The following SEMA3A variants were observed in gnomAD, a reference collection of about 807,000 sequenced individuals.
The protein encoded by SEMA3A is semaphorin-3A.
SEMA3A carries 29 observed loss-of-function variants against 97.9 expected under a neutral mutation model. The observed-to-expected ratio is 0.30, with a 90% confidence interval of 0.22 to 0.40. The LOEUF (loss-of-function observed/expected upper bound fraction) is 0.40, where lower values mean the gene tolerates loss of function less well. SEMA3A is among the 10% of genes least tolerant of loss of function. SEMA3A has a pLI of 1.00. For synonymous variants in SEMA3A, 321 were observed against 323.7 expected (o/e 0.99, Z 0.09); for missense variants, 763 against 951.3 (o/e 0.80, Z 2.60).
chr7:84,457,441 G>T (rs538801696), intron 1 of SEMA3A, among the ~76,000 whole-genome samples: 1 of 151,722 alleles, frequency 6.6e-6, no homozygotes, highest in Non-Finnish European at 1.5e-5. Context: ...AGGATGATTT[G>T]CCTTTTACAT....
intron 1 of SEMA3A, among the ~76,000 whole-genome samples, chr7:84,176,766 G>C (rs2116223187): frequency 6.6e-6 from 1 of 152,244 alleles, no homozygotes. Flanking sequence ...TGGAAGCAAT[G>C]ACTTTGACAA....
intron 3 of SEMA3A, among the ~76,000 whole-genome samples, chr7:84,285,314 T>C (rs1285640605): frequency 6.6e-6 from 1 of 152,052 alleles, no homozygotes; most frequent in Non-Finnish European, 1.5e-5. Context: ...GACTTTATGC[T>C]CCACCAAAGG....
upstream of SEMA3A, among the ~76,000 whole-genome samples, chr7:84,196,507 G>C (rs1344546724): frequency 6.6e-6 from 1 of 152,166 alleles, no homozygotes; most frequent in Non-Finnish European, 1.5e-5. Context: ...TACTTCACTA[G>C]ATTGACTCAT....
intron 1 of SEMA3A, among the ~76,000 whole-genome samples, chr7:84,170,300 T>G (rs2066988520): frequency 6.6e-6 from 1 of 152,036 alleles, no homozygotes; most frequent in Admixed American, 6.5e-5. Context: ...TAAAAGTTAC[T>G]TTTGTAATAC....
At chr7:84,110,161 A>C (rs544413695) in intron 4 of SEMA3A, among the ~76,000 whole-genome samples, 2 of 152,280 alleles carry the variant, frequency 1.3e-5, no homozygotes, top group Non-Finnish European at 2.9e-5. Flanking sequence ...GGCAATATAC[A>C]AATGAAGGAG....
At chr7:84,266,313 C>CAAAAA (rs57809084) in intron 3 of SEMA3A, among the ~76,000 whole-genome samples, 75 of 70,396 alleles carry the variant, frequency 1.1e-3, no homozygotes, top group East Asian at 2.2e-3. Context: ...GATTTGGTCT[C>CAAAAA]AAAAAAAAAA....
chr7:84,133,420 CT>C (rs1487725298), intron 2 of SEMA3A, among the ~76,000 whole-genome samples: 1 of 152,088 alleles, frequency 6.6e-6, no homozygotes, highest in Non-Finnish European at 1.5e-5. Context: ...AAAAGCAACC[CT>C]CTCCAACCAG....
At chr7:84,143,483 C>T (rs1422099616) in intron 1 of SEMA3A, among the ~76,000 whole-genome samples, 2 of 139,994 alleles carry the variant, frequency 1.4e-5, no homozygotes, top group Non-Finnish European at 3.1e-5. Context: ...ATAGAGATTG[C>T]ATCCATAGAT....
At chr7:84,055,578 G>GC (rs1792934394) in intron 5 of SEMA3A, among the ~76,000 whole-genome samples, 1 of 151,066 alleles carries the variant, frequency 6.6e-6, no homozygotes, top group African/African-American at 2.4e-5. Flanking sequence ...CACGGTGCGC[G>GC]CACCCACTGA....
chr7:84,081,706 CTGAA>C (rs746615805), intron 4 of SEMA3A, among the ~76,000 whole-genome samples: 28 of 149,806 alleles, frequency 1.9e-4, no homozygotes, highest in South Asian at 1.3e-3. Flanking sequence ...AATAAATAAA[CTGAA>C]TGGAAATATG....
intron 4 of SEMA3A, among the ~76,000 whole-genome samples, chr7:84,103,628 AAAAAT>A (rs1365597723): frequency 6.6e-6 from 1 of 152,116 alleles, no homozygotes; most frequent in African/African-American, 2.4e-5. Context: ...TATATTTTAA[AAAAAT>A]AAAATATTTT....
intron 2 of SEMA3A, among the ~76,000 whole-genome samples, chr7:84,322,180 G>T (rs1400468289): frequency 6.6e-6 from 1 of 151,762 alleles, no homozygotes; most frequent in Non-Finnish European, 1.5e-5. Context: ...ACCAGGTTCT[G>T]CCCTTGACAC....
intron 1 of SEMA3A, among the ~76,000 whole-genome samples, chr7:84,151,934 T>C (rs1484387914): frequency 6.6e-6 from 1 of 151,794 alleles, no homozygotes; most frequent in African/African-American, 2.4e-5. Flanking sequence ...AAAAAACACA[T>C]GAAAAAATGC....
chr7:84,171,063 A>G (rs1797368834), intron 1 of SEMA3A, among the ~76,000 whole-genome samples: 1 of 152,084 alleles, frequency 6.6e-6, no homozygotes, highest in South Asian at 2.1e-4. Context: ...CAGATGGTGA[A>G]AGAAAGAAAT....
intron 1 of SEMA3A, among the ~76,000 whole-genome samples, chr7:84,427,359 T>C (rs933546269): frequency 6.6e-6 from 1 of 152,078 alleles, no homozygotes; most frequent in African/African-American, 2.4e-5. Flanking sequence ...TATATAATTG[T>C]AGTGAAGATT....
rs182655453 is a variant in SEMA3A, at chr7:84,060,314, T to C, written c.547+151A>G. 82 of 563,102 alleles carry C rather than the reference T, an allele frequency of 1.5e-4. 1 individual carries two copies. Among genetic ancestry groups the C allele is most frequent in the East Asian group, 1.3e-3 (39 of 30,936 alleles). 34.9% of individuals were successfully genotyped at this position (563,102 alleles called of 1,614,324 possible). On this transcript the variant is annotated intron_variant, in intron 5 of 16. Coordinates refer to ENST00000265362, the MANE Select transcript of SEMA3A (RefSeq NM_006080.3). ...GCAAAATAGCATTTAGTGTTTCTTC[T>C]TCATTTTCAAACATTTGAATATATC...
intron 1 of SEMA3A, among the ~76,000 whole-genome samples, chr7:84,388,631 A>T (rs1803462034): frequency 6.6e-6 from 1 of 152,038 alleles, no homozygotes; most frequent in East Asian, 1.9e-4. Flanking sequence ...AGGAAAACTG[A>T]TTATACTTTT....
chr7:84,118,856 T>C (rs774929722), intron 3 of SEMA3A, among the ~76,000 whole-genome samples: 20 of 152,250 alleles, frequency 1.3e-4, no homozygotes, highest in Non-Finnish European at 2.1e-4. Flanking sequence ...CCAGCTCTCA[T>C]GATTGTATAA....
At chr7:83,984,342 G>A (rs1187584549) in intron 13 of SEMA3A, among the ~76,000 whole-genome samples, 1 of 152,070 alleles carries the variant, frequency 6.6e-6, no homozygotes. Context: ...ACAGTATCAG[G>A]TCAATCGTAT....
Sources: gnomAD v4.1 joint callset for allele counts (sites outside exome capture counted in the v4.1 genomes callset) on GRCh38, gnomAD v4.1.1 for gene constraint, MANE v1.5 for transcripts, NCBI Gene and HGNC (gene_info 2026-07-23, HGNC 2026-07-21) for gene names.